ANKRD28: variants seen among roughly 807,000 people sequenced by gnomAD.
The protein encoded by ANKRD28 is ankyrin repeat domain 28.
In ANKRD28, 44 loss-of-function variants were observed where a neutral mutation model predicts 126.5. The observed-to-expected ratio is 0.35, with a 90% CI of 0.27 to 0.45. The LOEUF (loss-of-function observed/expected upper bound fraction) is 0.45, where lower values mean the gene tolerates loss of function less well. ANKRD28 is among the 20% of genes least tolerant of loss of function. The pLI is 1.00. For synonymous variants in ANKRD28, 442 were observed against 468.5 expected, an observed-to-expected ratio of 0.94 and a Z score of 0.73; for missense variants, 1,110 against 1,316.6, an observed-to-expected ratio of 0.84 and a Z score of 2.43.
In ANKRD28 at chr3:15,803,578, C is replaced by T. The variant is rs149320656; in HGVS notation, c.28-8272G>A. ...GCTGTAATGAGCTGAGATCACACCA[C>T]GGCACTCCAGCCTGGCGACAGAGCG... On this transcript the variant is annotated intron_variant, in intron 1 of 27. Transcript: ENST00000399451. 8.8e-5 allele frequency among the ~76,000 whole-genome samples: 13 copies of T among 147,674 alleles called. No homozygotes were observed. The East Asian group carries it at 1.4e-3, about 16-fold the overall frequency.
rs867655682 is a variant in ANKRD28, at chr3:15,845,582, G to T, written c.27+13795C>A. Among the ~76,000 whole-genome samples the T allele has an allele frequency of 1.2e-4, 19 of 152,232 alleles. No individual in the cohort carries two copies. Among genetic ancestry groups the T allele is most frequent in the Middle Eastern group, 3.4e-3 (1 of 294 alleles). On this transcript the variant is annotated intron_variant, in intron 1 of 27. Transcript: ENST00000399451. This position sits in a 1 kb window ranked among gnomAD's most constrained non-coding sequence, Gnocchi z 4.9. The stretch of plus-strand genomic sequence containing the variant: ...AATACCACACTTGCTATTCTATCTG[G>T]TTTCAACTCCACTGCTCACTCTGAT...
At chr3:15,746,388 T>C (rs566424000) in intron 4 of ANKRD28, among the ~76,000 whole-genome samples, 3 of 152,358 alleles carry the variant, frequency 2.0e-5, no homozygotes, top group Admixed American at 1.3e-4. Flanking sequence ...GTCCCTTCTA[T>C]GCTGATGTTG....
intron 1 of ANKRD28, among the ~76,000 whole-genome samples, chr3:15,810,037 C>T (rs1417527009): frequency 6.6e-6 from 1 of 152,120 alleles, no homozygotes; most frequent in Non-Finnish European, 1.5e-5. Flanking sequence ...GCAGCGAGAT[C>T]ATGAAGGGTG....
intron 2 of ANKRD28, chr3:15,781,418 C>T (rs1342163832): frequency 6.6e-6 from 1 of 151,814 alleles, no homozygotes; most frequent in Non-Finnish European, 1.5e-5. Context: ...AAAAAAATCA[C>T]AAACAATAAG....
In ANKRD28 at chr3:15,816,467, C is replaced by A. The variant is rs189310535; in HGVS notation, c.28-21161G>T. Among the ~76,000 whole-genome samples, 86 of 152,250 alleles carry A rather than the reference C, an allele frequency of 5.6e-4. No individual in the cohort carries two copies. The highest frequency in any genetic ancestry group is 1.9e-3 in the African/African-American group (81 of 41,548). On this transcript the variant is annotated intron_variant, in intron 1 of 27. Coordinates refer to the ANKRD28 transcript ENST00000399451. The surrounding 1 kb of genome is among the most constrained non-coding windows in gnomAD (Gnocchi z 5.0). ...AACAGCCTAAGGATAAAAAATACTA[C>A]AGTGTCTCTTCACCTATAATTTACA...
rs997339829 is a variant in ANKRD28 at position 15,797,895 on chromosome 3, G to C, written c.-1374C>G. 1 of 985,176 alleles carries C rather than the reference G, an allele frequency of 1.0e-6. No homozygotes were observed. Among genetic ancestry groups the C allele is most frequent in the Non-Finnish European group, 1.2e-6 (1 of 829,936 alleles). 61.0% of individuals were successfully genotyped at this position (985,176 alleles called of 1,614,324 possible). On this transcript the variant is annotated 5_prime_UTR_variant, in exon 1 of 28. Transcript: ENST00000683139. ...ATCAGTCCCACAGAAGCATTCCAAC[G>C]GAGCAACAGTCTGAAGAGCAAAGAC... is the stretch of plus-strand genomic sequence containing the variant.
At chr3:15,785,433 T>C (rs559885760) in intron 2 of ANKRD28, among the ~76,000 whole-genome samples, 131 of 152,048 alleles carry the variant, frequency 8.6e-4, no homozygotes, top group Non-Finnish European at 1.6e-3. Flanking sequence ...CCAAAGAAGA[T>C]ATACAGATGG....
chr3:15,775,854 T>C (rs181110633), intron 2 of ANKRD28, among the ~76,000 whole-genome samples: 2 of 152,246 alleles, frequency 1.3e-5, no homozygotes, highest in East Asian at 1.9e-4. Context: ...TACATAAGCA[T>C]GACTGATTAA....
intron 1 of ANKRD28, among the ~76,000 whole-genome samples, chr3:15,841,450 G>C (rs1381414332): frequency 6.6e-6 from 1 of 152,090 alleles, no homozygotes; most frequent in Non-Finnish European, 1.5e-5. Context: ...AAGTTAAAAA[G>C]CTTCTGCACA....
At chr3:15,792,554 C>T (rs187090149) in intron 2 of ANKRD28, among the ~76,000 whole-genome samples, 422 of 152,052 alleles carry the variant, frequency 2.8e-3, no homozygotes, top group Admixed American at 6.2e-3. Flanking sequence ...AGGATGGTTA[C>T]CAGAGGCTGG....
intron 1 of ANKRD28, among the ~76,000 whole-genome samples, chr3:15,820,563 T>C (rs1333311337): frequency 2.0e-5 from 3 of 152,176 alleles, no homozygotes; most frequent in African/African-American, 7.2e-5. Context: ...ATGCAATGTT[T>C]AAATCCTGTT....
At chr3:15,706,679 T>C (rs2071479188) in intron 14 of ANKRD28, among the ~76,000 whole-genome samples, 1 of 152,222 alleles carries the variant, frequency 6.6e-6, no homozygotes, top group Non-Finnish European at 1.5e-5. Flanking sequence ...TCTTCCACAA[T>C]GGTTGAACTA....
chr3:15,708,573 T>C (rs77735225), intron 13 of ANKRD28, among the ~76,000 whole-genome samples: 1,848 of 152,302 alleles, frequency 0.012, 17 homozygotes, highest in Middle Eastern at 0.031. Context: ...CCCTCTCTGT[T>C]ATTTGTAGTA....
chr3:15,819,507 A>G (rs2060899211), intron 1 of ANKRD28, among the ~76,000 whole-genome samples: 1 of 152,216 alleles, frequency 6.6e-6, no homozygotes, highest in Non-Finnish European at 1.5e-5. Context: ...ACTTGCTTAT[A>G]TAGTCATAAA....
chr3:15,799,439 G>A (rs1470855609), upstream of ANKRD28, among the ~76,000 whole-genome samples: 2 of 151,706 alleles, frequency 1.3e-5, no homozygotes, highest in Admixed American at 6.6e-5. Flanking sequence ...TAACATATTT[G>A]TACCAATTAA....
chr3:15,855,570 A>C (rs2061748468), intron 1 of ANKRD28, among the ~76,000 whole-genome samples: 1 of 152,268 alleles, frequency 6.6e-6, no homozygotes, highest in Non-Finnish European at 1.5e-5. Flanking sequence ...TGACCTGAGT[A>C]CAGGAACTTC....
At chr3:15,828,213 A>G (rs2061111420) in intron 1 of ANKRD28, among the ~76,000 whole-genome samples, 1 of 152,176 alleles carries the variant, frequency 6.6e-6, no homozygotes, top group Non-Finnish European at 1.5e-5. Flanking sequence ...AAGAATGACA[A>G]AGAATTGCAG....
At chr3:15,828,406 T>C (rs768317501) in intron 1 of ANKRD28, among the ~76,000 whole-genome samples, 18 of 152,056 alleles carry the variant, frequency 1.2e-4, no homozygotes, top group African/African-American at 3.9e-4. Context: ...ATGTAAGAGA[T>C]TGCATACTCA....
chr3:15,717,930 AAAC>A (rs763982554), intron 8 of ANKRD28, among the ~76,000 whole-genome samples: 35 of 152,214 alleles, frequency 2.3e-4, no homozygotes, highest in Non-Finnish European at 4.3e-4. Context: ...TCAAGGTCAG[AAAC>A]AACAAAATGG....
Sources: gnomAD v4.1 joint callset for allele counts (sites outside exome capture counted in the v4.1 genomes callset) on GRCh38, gnomAD v4.1.1 for gene constraint, Gnocchi (gnomAD v3.1) non-coding constraint, MANE v1.5 for transcripts, NCBI Gene and HGNC (gene_info 2026-07-23, HGNC 2026-07-21) for gene names.